SYN3: variants seen among roughly 807,000 people sequenced by gnomAD.
The protein encoded by SYN3 is synapsin III.
In SYN3, 35 loss-of-function variants were observed where a neutral mutation model predicts 65.8. That is an observed-to-expected ratio of 0.53 (90% CI 0.41 to 0.70). SYN3 has a LOEUF of 0.70. SYN3 is among the 30% of genes least tolerant of loss of function. SYN3 has a pLI of 0.00. For synonymous variants in SYN3, 270 were observed against 292.9 expected, an observed-to-expected ratio of 0.92 and a Z score of 0.80; for missense variants, 680 against 749.0, an observed-to-expected ratio of 0.91 and a Z score of 1.08.
intron 6 of SYN3, among the ~76,000 whole-genome samples, chr22:32,641,895 C>G (rs577390342): frequency 6.6e-6 from 1 of 152,172 alleles, no homozygotes; most frequent in Non-Finnish European, 1.5e-5. Context: ...TTGAGAAACC[C>G]TTTTCAGGGG....
At chr22:32,994,053 G>T (rs2052804900) in intron 2 of SYN3, among the ~76,000 whole-genome samples, 1 of 152,146 alleles carries the variant, frequency 6.6e-6, no homozygotes, top group Non-Finnish European at 1.5e-5. Context: ...AGCTGGGTAG[G>T]AAGCAGCAGG....
intron 6 of SYN3, among the ~76,000 whole-genome samples, chr22:32,674,765 G>A (rs1356420319): frequency 6.6e-6 from 1 of 152,134 alleles, no homozygotes; most frequent in Non-Finnish European, 1.5e-5. Context: ...TGATAAACAA[G>A]GCAATACACC....
At chr22:33,012,943 T>G (rs945827636) in intron 1 of SYN3, among the ~76,000 whole-genome samples, 1 of 152,230 alleles carries the variant, frequency 6.6e-6, no homozygotes, top group African/African-American at 2.4e-5. Flanking sequence ...TCCAGCAACC[T>G]CAAATCGTTT....
chr22:32,532,384 A>G (rs964247453), intron 10 of SYN3, among the ~76,000 whole-genome samples: 1 of 152,412 alleles, frequency 6.6e-6, no homozygotes, highest in Non-Finnish European at 1.5e-5. Flanking sequence ...GAGCAACTGT[A>G]CAGGTCAAGG....
chr22:32,727,033 G>T (rs1466866690), intron 6 of SYN3, among the ~76,000 whole-genome samples: 1 of 151,506 alleles, frequency 6.6e-6, no homozygotes, highest in Admixed American at 6.6e-5. Flanking sequence ...AGGATATGCA[G>T]CTTCCTTACA....
intron 3 of SYN3, among the ~76,000 whole-genome samples, chr22:32,939,195 T>A (rs1314969695): frequency 6.6e-6 from 1 of 152,132 alleles, no homozygotes; most frequent in African/African-American, 2.4e-5. Flanking sequence ...TCATGGGAGT[T>A]TATAACCTGT....
chr22:32,621,837 G>A (rs2059599090), intron 6 of SYN3, among the ~76,000 whole-genome samples: 1 of 152,120 alleles, frequency 6.6e-6, no homozygotes, highest in African/African-American at 2.4e-5. Context: ...GAAATTAAGA[G>A]ACTCACTCAC....
At chr22:32,654,674 G>A (rs184412856) in intron 6 of SYN3, among the ~76,000 whole-genome samples, 1 of 152,166 alleles carries the variant, frequency 6.6e-6, no homozygotes, top group African/African-American at 2.4e-5. Flanking sequence ...ACATGCAAGG[G>A]AACTAGGTTG....
At chr22:32,610,665 C>A (rs566196351) in intron 6 of SYN3, among the ~76,000 whole-genome samples, 4 of 152,202 alleles carry the variant, frequency 2.6e-5, no homozygotes, top group Non-Finnish European at 4.4e-5. Context: ...TCACCGCAAC[C>A]TCCCCCTCCA....
chr22:33,035,232 C>T (rs1203695110), intron 1 of SYN3, among the ~76,000 whole-genome samples: 2 of 150,810 alleles, frequency 1.3e-5, no homozygotes, highest in African/African-American at 2.4e-5. Context: ...ATTCATTTAA[C>T]ATTTCCTAAG....
intron 6 of SYN3, among the ~76,000 whole-genome samples, chr22:32,675,929 T>G (rs2060433987): frequency 6.6e-6 from 1 of 152,118 alleles, no homozygotes; most frequent in African/African-American, 2.4e-5. Context: ...TGTTGTTGCA[T>G]GAGGACCACA....
chr22:32,649,741 C>T (rs2060034771), intron 6 of SYN3, among the ~76,000 whole-genome samples: 1 of 152,120 alleles, frequency 6.6e-6, no homozygotes, highest in Non-Finnish European at 1.5e-5. Context: ...CAGGGGGTGG[C>T]CGGACAGGGA....
At chr22:32,932,837 T>C (rs531523487) in intron 3 of SYN3, among the ~76,000 whole-genome samples, 1 of 152,220 alleles carries the variant, frequency 6.6e-6, no homozygotes, top group South Asian at 2.1e-4. Flanking sequence ...AGGCTAGAAG[T>C]CCAAAATCAA....
At chr22:32,628,118 C>T (rs948115475) in intron 6 of SYN3, among the ~76,000 whole-genome samples, 1 of 151,998 alleles carries the variant, frequency 6.6e-6, no homozygotes, top group African/African-American at 2.4e-5. Flanking sequence ...AGCCACCGCA[C>T]CCGGCCAGAG....
rs561516043 is a variant in SYN3, at chr22:32,817,058, A to G, written c.711+47857T>C. On this transcript the variant is annotated intron_variant, in intron 6 of 13. Coordinates refer to ENST00000358763, the MANE Select transcript of SYN3 (RefSeq NM_003490.4). The stretch of plus-strand genomic sequence containing the variant: ...CATAGTAAGATTCCCTGTCTCTACT[A>G]ATTTAAAAAAAAAAAAAAGAAAAGG... Among the ~76,000 whole-genome samples the G allele has an allele frequency of 1.5e-3, 40 of 25,952 alleles. No individual in the cohort carries two copies. In the East Asian group the frequency reaches 0.041, roughly 27 times the overall value. The allele number at this position is 25,952 out of a possible 152,430, so 17.0% of individuals were successfully genotyped here.
chr22:32,751,620 A>G (rs1602058155), intron 6 of SYN3, among the ~76,000 whole-genome samples: 1 of 152,226 alleles, frequency 6.6e-6, no homozygotes, highest in East Asian at 1.9e-4. Flanking sequence ...TGTTGACAGC[A>G]GTGGGATATC....
rs1470993523 is a variant in SYN3, at chr22:32,783,889, CTG to C, written c.711+81024_711+81025del. On this transcript the variant is annotated intron_variant, in intron 6 of 13. Coordinates refer to ENST00000358763, the MANE Select transcript of SYN3 (RefSeq NM_003490.4). ...GATTCGACTCCCAGCAATACTATAA[CTG>C]TGTCGTGGTAGGCATGTGACTTGAA... is the stretch of plus-strand genomic sequence containing the variant. 2.0e-5 allele frequency among the ~76,000 whole-genome samples: 3 copies of C among 152,320 alleles called. No individual in the cohort carries two copies. In the East Asian group the frequency reaches 5.8e-4, roughly 29 times the overall value.
chr22:32,703,689 T>C (rs5998592), intron 6 of SYN3, among the ~76,000 whole-genome samples: 8,842 of 150,990 alleles, frequency 0.059, 533 homozygotes, highest in African/African-American at 0.15. Context: ...CTAAGTCTCA[T>C]CCAAAGGGGA....
intron 7 of SYN3, among the ~76,000 whole-genome samples, chr22:32,553,968 C>T (rs1425195899): frequency 2.0e-5 from 3 of 152,034 alleles, no homozygotes; most frequent in Non-Finnish European, 4.4e-5. Flanking sequence ...ATTGCCACCT[C>T]CACTGCCACC....
Sources: gnomAD v4.1 joint callset for allele counts (sites outside exome capture counted in the v4.1 genomes callset) on GRCh38, gnomAD v4.1.1 for gene constraint, MANE v1.5 for transcripts, NCBI Gene and HGNC (gene_info 2026-07-23, HGNC 2026-07-21) for gene names.